The following RASSF8 variants were observed in gnomAD, a reference collection of about 807,000 sequenced individuals.
RASSF8 encodes the protein Ras association domain family member 8.
In RASSF8, 22 loss-of-function variants were observed where a neutral mutation model predicts 48.5. That is an observed-to-expected ratio of 0.45 (90% CI 0.32 to 0.65). The LOEUF is 0.65. Among genes scored for constraint, RASSF8 ranks in the 30% least tolerant of loss-of-function variants. RASSF8 has a pLI of 0.03. For synonymous variants in RASSF8, 127 were observed against 171.5 expected (o/e 0.74, Z 2.03); for missense variants, 418 against 489.2 (o/e 0.85, Z 1.37).
chr12:26,065,361 C>T lies in RASSF8; in HGVS notation c.967C>T (p.Leu323Phe). 6.2e-7 allele frequency: 1 copy of T among 1,612,826 alleles called. No individual in the cohort carries two copies. The highest frequency in any genetic ancestry group is 8.5e-7 in the Non-Finnish European group (1 of 1,179,308). The change falls in exon 4 of 6, where the codon CTT (leucine) becomes TTT (phenylalanine). Residue 323 changes from leucine to phenylalanine, a missense_variant. By Grantham distance (22) the Leu-to-Phe change is conservative. Transcript: ENST00000689635. ...TGGCATCAAAGCTGTGGAAAGATCT[C>T]TTGGACAAGCCACCAAACGCTTACA... ...ENGIKAVERS[L>F]GQATKRLQDK...
At chr12:25,982,317 ATAG>A (rs569351527) in intron 1 of RASSF8, among the ~76,000 whole-genome samples, 37 of 152,356 alleles carry the variant, frequency 2.4e-4, no homozygotes, top group African/African-American at 5.8e-4. Flanking sequence ...TAGATTACAA[ATAG>A]TAGTTATGCA....
intron 1 of RASSF8, among the ~76,000 whole-genome samples, chr12:25,974,604 G>C (rs1941562534): frequency 6.6e-6 from 1 of 151,684 alleles, no homozygotes; most frequent in African/African-American, 2.4e-5. Context: ...TGTAGAATCT[G>C]AATAAGTAGA....
chr12:26,006,538 G>A (rs1207806010), intron 2 of RASSF8, among the ~76,000 whole-genome samples: 1 of 152,174 alleles, frequency 6.6e-6, no homozygotes, highest in Non-Finnish European at 1.5e-5. Flanking sequence ...TCTCGCTCTA[G>A]ACGTGGACTA....
At chr12:26,043,640 G>A (rs1022161366) in intron 2 of RASSF8, among the ~76,000 whole-genome samples, 5 of 152,172 alleles carry the variant, frequency 3.3e-5, no homozygotes, top group African/African-American at 9.7e-5. Flanking sequence ...TCAAAGCAGC[G>A]TTATTTGTAA....
Position 26,020,915 on chromosome 12 carries a change from C to T in RASSF8, c.-109+25785C>T, listed in dbSNP as rs73298861. On this transcript the variant is annotated intron_variant, in intron 2 of 5. Coordinates refer to ENST00000689635, the MANE Select transcript of RASSF8 (RefSeq NM_001394098.1). Reference sequence around the variant, plus strand: ...AAAGTAAAACAACATGTGTATCTTACGAAGGACTAAATATATTAATATTTT... The same window carrying T: ...AAAGTAAAACAACATGTGTATCTTATGAAGGACTAAATATATTAATATTTT... Among the ~76,000 whole-genome samples, 361 of 152,214 alleles carry T rather than the reference C, an allele frequency of 2.4e-3. 3 individuals carry two copies. Among genetic ancestry groups the T allele is most frequent in the African/African-American group, 7.6e-3 (317 of 41,536 alleles).
chr12:25,991,867 C>T (rs1238862035), intron 1 of RASSF8, among the ~76,000 whole-genome samples: 1 of 152,176 alleles, frequency 6.6e-6, no homozygotes, highest in Non-Finnish European at 1.5e-5. Context: ...TAAAAGAATG[C>T]TTAATCTTTA....
At chr12:26,032,348 A>G (rs1297118954) in intron 2 of RASSF8, among the ~76,000 whole-genome samples, 4 of 152,210 alleles carry the variant, frequency 2.6e-5, no homozygotes, top group African/African-American at 9.6e-5. Flanking sequence ...TTTCGTACTC[A>G]TAGCAGGTTG....
At chr12:26,049,081 G>A (rs1388582447) in intron 2 of RASSF8, among the ~76,000 whole-genome samples, 1 of 152,154 alleles carries the variant, frequency 6.6e-6, no homozygotes, top group East Asian at 1.9e-4. Context: ...TTTAAGGTAT[G>A]GTGTTCTGGG....
chr12:26,065,755 G>A (rs1050886184), intron 4 of RASSF8, among the ~76,000 whole-genome samples: 2 of 152,192 alleles, frequency 1.3e-5, no homozygotes, highest in East Asian at 1.9e-4. Context: ...CTGCTTATCT[G>A]TCACTTCTCC....
intron 2 of RASSF8, among the ~76,000 whole-genome samples, chr12:26,050,927 C>T (rs971112243): frequency 5.9e-5 from 9 of 152,030 alleles, no homozygotes; most frequent in South Asian, 2.1e-4. Context: ...ATTATCTGAT[C>T]GTTGTTTATT....
downstream of RASSF8, chr12:26,072,914 A>G (rs1488210917): frequency 1.3e-6 from 1 of 764,108 alleles, no homozygotes. Context: ...ATTTTTAAAT[A>G]CAATTTTACT....
Position 26,072,377 on chromosome 12 carries a change from C to T in RASSF8, c.*3559C>T, listed in dbSNP as rs775504647. On this transcript the variant is annotated 3_prime_UTR_variant, in exon 6 of 6. Coordinates refer to ENST00000689635, the MANE Select transcript of RASSF8 (RefSeq NM_001394098.1). ...GCTTTACATCTCCAGAATAAGCTTT[C>T]GATGCCAGGACAGTGACTGCCTGAA... 12 of 985,118 alleles carry T rather than the reference C, an allele frequency of 1.2e-5. No homozygotes were observed. The highest frequency in any genetic ancestry group is 1.1e-4 in the East Asian group (1 of 8,818). 61.0% of individuals were successfully genotyped at this position (985,118 alleles called of 1,614,324 possible).
chr12:26,030,653 T>C (rs1206913844), intron 2 of RASSF8, among the ~76,000 whole-genome samples: 2 of 152,154 alleles, frequency 1.3e-5, no homozygotes, highest in African/African-American at 4.8e-5. Flanking sequence ...TTAACTTCTT[T>C]CTTTTCAAAC....
At chr12:26,003,944 A>AGGTGGGAG (rs1942323511) in intron 2 of RASSF8, among the ~76,000 whole-genome samples, 1 of 152,154 alleles carries the variant, frequency 6.6e-6, no homozygotes. Context: ...TAGGAGGCTG[A>AGGTGGGAG]GGTGGGAGGA....
At position 25,960,900 on chromosome 12, in the gene RASSF8, CAG is replaced by C. The variant is rs1450805215; in HGVS notation, c.-203+1757_-203+1758del. Among the ~76,000 whole-genome samples the C allele has an allele frequency of 7.9e-5, 12 of 152,296 alleles. No homozygotes were observed. In the South Asian group the frequency reaches 1.4e-3, roughly 18 times the overall value. On this transcript the variant is annotated intron_variant, in intron 1 of 5. Coordinates refer to ENST00000689635, the MANE Select transcript of RASSF8 (RefSeq NM_001394098.1). ...TTCTGGAAAAAACAGTTACAAAGAA[CAG>C]AGAGTGTTTAAGTTGTTTATAGGAT...
rs142953700 is a variant in RASSF8 at position 26,036,796 on chromosome 12, C to T, written c.-108-18440C>T. Among the ~76,000 whole-genome samples the T allele has an allele frequency of 1.0e-3, 152 of 152,012 alleles. 1 individual carries two copies. The highest frequency in any genetic ancestry group is 6.8e-3 in the Middle Eastern group (2 of 294). ...AAAATTAGCCAGGCTTGGTGGCACA[C>T]GCCCAGCTATTAGGGAAGCTGAGGC... On this transcript the variant is annotated intron_variant, in intron 2 of 5. Coordinates refer to ENST00000689635, the MANE Select transcript of RASSF8 (RefSeq NM_001394098.1).
intron 1 of RASSF8, among the ~76,000 whole-genome samples, chr12:25,978,026 C>T (rs1941650255): frequency 1.3e-5 from 2 of 152,202 alleles, no homozygotes; most frequent in Admixed American, 6.5e-5. Context: ...CTGAGAGGGT[C>T]ACTCCTTGGC....
chr12:25,959,657 T>A (rs1941182416), intron 1 of RASSF8: 1 of 151,998 alleles, frequency 6.6e-6, no homozygotes, highest in South Asian at 2.1e-4. Context: ...GGGAGGGGAG[T>A]CCAGAAGAGG....
intron 1 of RASSF8, among the ~76,000 whole-genome samples, chr12:25,967,903 A>G (rs962476381): frequency 2.0e-5 from 3 of 152,186 alleles, no homozygotes; most frequent in African/African-American, 7.2e-5. Flanking sequence ...TCATGCAAGG[A>G]TGGGAGAAGA....
Sources: allele counts gnomAD v4.1 joint callset (sites outside exome capture counted in the v4.1 genomes callset), GRCh38; gene constraint gnomAD v4.1.1; transcripts MANE v1.5; gene names NCBI Gene and HGNC (gene_info 2026-07-23, HGNC 2026-07-21).